The following THSD7B variants were observed in gnomAD, a reference collection of about 807,000 sequenced individuals.
THSD7B encodes thrombospondin type 1 domain containing 7B.
In THSD7B, 138 loss-of-function variants were observed where a neutral mutation model predicts 213.6. That is an observed-to-expected ratio of 0.65 (90% confidence interval 0.56 to 0.74). The LOEUF (loss-of-function observed/expected upper bound fraction) is 0.74, where lower values mean the gene tolerates loss of function less well. Ranked by LOEUF, THSD7B falls within the 30% of genes least tolerant of loss-of-function variation. The pLI is 0.00. For missense variants in THSD7B, 1,931 were observed against 1,991.5 expected (o/e 0.97, Z 0.58); for synonymous variants, 742 against 687.0 (o/e 1.08, Z -1.25).
chr2:137,223,309 G>C (rs1267080967), intron 7 of THSD7B, among the ~76,000 whole-genome samples: 1 of 152,152 alleles, frequency 6.6e-6, no homozygotes, highest in Admixed American at 6.5e-5. Flanking sequence ...AATACACGAA[G>C]ACCAATTTGA....
chr2:136,955,331 C>T (rs1204219251), intron 2 of THSD7B, among the ~76,000 whole-genome samples: 1 of 152,180 alleles, frequency 6.6e-6, no homozygotes. Context: ...CCCATAACAT[C>T]AAATTGTTGT....
At chr2:136,855,407 C>T (rs182977460) in intron 1 of THSD7B, among the ~76,000 whole-genome samples, 54 of 151,846 alleles carry the variant, frequency 3.6e-4, no homozygotes, top group African/African-American at 1.3e-3. Context: ...TGACCTGGCA[C>T]CTGCCTGTTT....
chr2:137,282,008 A>G (rs1219573895), intron 12 of THSD7B, among the ~76,000 whole-genome samples: 2 of 152,178 alleles, frequency 1.3e-5, no homozygotes, highest in African/African-American at 2.4e-5. Flanking sequence ...GAACTAGTTT[A>G]TAGTCCCACC....
chr2:137,275,538 GTTT>G (rs1051644970), intron 11 of THSD7B, among the ~76,000 whole-genome samples: 1 of 136,146 alleles, frequency 7.3e-6, no homozygotes. Context: ...TTCTTGTATT[GTTT>G]TTTTTTTTTT....
At chr2:137,599,275 G>A (rs1682029980) in intron 17 of THSD7B, among the ~76,000 whole-genome samples, 1 of 151,560 alleles carries the variant, frequency 6.6e-6, no homozygotes, top group Non-Finnish European at 1.5e-5. Context: ...TCTTAATCCA[G>A]TCTATCATTG....
At chr2:136,859,893 T>C (rs1683233254) in intron 1 of THSD7B, among the ~76,000 whole-genome samples, 1 of 152,144 alleles carries the variant, frequency 6.6e-6, no homozygotes, top group Non-Finnish European at 1.5e-5. Context: ...CCTTTTCCCT[T>C]TGTGTATCAG....
In THSD7B at chr2:137,056,928, A is replaced by G. The variant is rs1329255273; in HGVS notation, c.648A>G (p.Gln216=). 8 of 1,613,924 alleles carry G rather than the reference A, an allele frequency of 5.0e-6. No individual in the cohort carries two copies. Among genetic ancestry groups the G allele is most frequent in the East Asian group, 2.2e-5 (1 of 44,860 alleles). Residue 216 remains glutamine, a synonymous_variant, in exon 3 of 28, where the codon CAA becomes CAG. Coordinates refer to ENST00000409968, the MANE Select transcript of THSD7B (RefSeq NM_001316349.2). ...VIAPPLFGGL[Q]CPNLTESRAC... The stretch of plus-strand genomic sequence containing the variant: ...CTCCCCCTCTCTTTGGTGGTTTGCA[A>G]TGTCCAAATCTGACTGAGTCAAGAG...
chr2:137,254,118 C>T (rs941376253), intron 10 of THSD7B, among the ~76,000 whole-genome samples: 1 of 152,060 alleles, frequency 6.6e-6, no homozygotes, highest in Non-Finnish European at 1.5e-5. Flanking sequence ...GAAAAATCAG[C>T]CCTGGATAGT....
chr2:137,442,702 A>G (rs1247540126), intron 14 of THSD7B, among the ~76,000 whole-genome samples: 3 of 152,118 alleles, frequency 2.0e-5, no homozygotes, highest in African/African-American at 7.2e-5. Flanking sequence ...TTATAAGATC[A>G]CACCAAACTT....
rs549047127 is a variant in THSD7B, at chr2:137,377,337, G to T, written c.2501-28276G>T. Among the ~76,000 whole-genome samples the T allele has an allele frequency of 4.9e-4, 74 of 152,172 alleles. 1 individual carries two copies. Among genetic ancestry groups the T allele is most frequent in the Admixed American group, 2.8e-3 (43 of 15,272 alleles). On this transcript the variant is annotated intron_variant, in intron 12 of 27. Coordinates refer to ENST00000409968, the MANE Select transcript of THSD7B (RefSeq NM_001316349.2). ...AAAATTTAAAAACAAAATTTTGAAG[G>T]TCATAAGCATGTGAAAAGAACTGCA...
intron 17 of THSD7B, among the ~76,000 whole-genome samples, chr2:137,599,153 G>A (rs1283030910): frequency 6.7e-6 from 1 of 149,404 alleles, no homozygotes; most frequent in Non-Finnish European, 1.5e-5. Context: ...TTTTTCTTGC[G>A]ATAGTTTACT....
chr2:137,553,846 G>A (rs1192700291), intron 15 of THSD7B, among the ~76,000 whole-genome samples: 1 of 152,116 alleles, frequency 6.6e-6, no homozygotes, highest in Non-Finnish European at 1.5e-5. Context: ...ACGTAAAATA[G>A]GCAGAGCATA....
chr2:137,012,994 A>G (rs1363921993), intron 2 of THSD7B, among the ~76,000 whole-genome samples: 1 of 152,232 alleles, frequency 6.6e-6, no homozygotes, highest in East Asian at 1.9e-4. Flanking sequence ...AAATAGTTTC[A>G]TCTTAGCCGG....
Position 137,272,650 on chromosome 2 carries a change from G to GTCC in THSD7B, c.2386_2388dup (p.Pro796dup). On this transcript the variant is annotated inframe_insertion, in exon 11 of 28. Coordinates refer to ENST00000409968, the MANE Select transcript of THSD7B (RefSeq NM_001316349.2). ...AGAGAGTGTGAAGATGTTTCCTTGT[G>GTCC]TCCTGTATATCGGCAAGTAGTTACC... 1 of 1,611,548 alleles carries GTCC rather than the reference G, an allele frequency of 6.2e-7. No homozygotes were observed. Among genetic ancestry groups the GTCC allele is most frequent in the Admixed American group, 1.7e-5 (1 of 59,632 alleles).
At chr2:137,336,435 G>A (rs1402580654) in intron 12 of THSD7B, among the ~76,000 whole-genome samples, 3 of 152,162 alleles carry the variant, frequency 2.0e-5, no homozygotes, top group South Asian at 2.1e-4. Context: ...TGCAGTATCA[G>A]TGTGGCAGCC....
chr2:137,575,969 A>G (rs1179956325), intron 17 of THSD7B, among the ~76,000 whole-genome samples: 1 of 152,006 alleles, frequency 6.6e-6, no homozygotes, highest in Non-Finnish European at 1.5e-5. Flanking sequence ...AATTTTTTCC[A>G]GTTTTTGTCC....
intron 1 of THSD7B, among the ~76,000 whole-genome samples, chr2:136,880,961 A>T (rs1329402197): frequency 6.6e-6 from 1 of 152,092 alleles, no homozygotes; most frequent in Non-Finnish European, 1.5e-5. Flanking sequence ...TTTGGCTCCC[A>T]ACCTATGTTT....
intron 12 of THSD7B, among the ~76,000 whole-genome samples, chr2:137,351,059 T>C (rs1352660567): frequency 6.6e-6 from 1 of 151,834 alleles, no homozygotes; most frequent in Non-Finnish European, 1.5e-5. Context: ...AGATCAAGCC[T>C]GGTAATCATT....
intron 15 of THSD7B, among the ~76,000 whole-genome samples, chr2:137,546,414 A>T (rs868176782): frequency 9.1e-5 from 3 of 32,990 alleles, no homozygotes; most frequent in Non-Finnish European, 1.4e-4. Context: ...TTATATATAT[A>T]TTATATATAT....
Sources: allele counts gnomAD v4.1 joint callset (sites outside exome capture counted in the v4.1 genomes callset), GRCh38; gene constraint gnomAD v4.1.1; transcripts MANE v1.5; gene names NCBI Gene and HGNC (gene_info 2026-07-23, HGNC 2026-07-21).